ADAMTS17: variants seen among roughly 807,000 people sequenced by gnomAD.
ADAMTS17 encodes A disintegrin and metalloproteinase with thrombospondin motifs 17.
Under a neutral mutation model 141.5 loss-of-function variants are expected in ADAMTS17, and 113 were observed. The ratio of observed to expected loss-of-function variants is 0.80; its 90% confidence interval spans 0.69 to 0.93. ADAMTS17 has a LOEUF of 0.93. ADAMTS17 is among the 40% of genes least tolerant of loss of function. The pLI is 0.00. For missense variants in ADAMTS17, 1,659 were observed against 1,517.9 expected (o/e 1.09, Z -1.54); for synonymous variants, 768 against 630.6 (o/e 1.22, Z -3.27).
At chr15:100,245,575 T>C (rs1469541980) in intron 7 of ADAMTS17, among the ~76,000 whole-genome samples, 1 of 152,242 alleles carries the variant, frequency 6.6e-6, no homozygotes, top group African/African-American at 2.4e-5. Context: ...CTAATGTATT[T>C]CAGCCATTAT....
intron 6 of ADAMTS17, among the ~76,000 whole-genome samples, chr15:100,255,775 C>T (rs955355291): frequency 6.2e-4 from 94 of 152,292 alleles, no homozygotes; most frequent in African/African-American, 2.0e-3. Flanking sequence ...GAAGTGAAGC[C>T]GCAGGCCAAG....
rs373559365 is a variant in ADAMTS17, at chr15:100,285,622, T to C, written c.617-4221A>G. 1.1e-3 allele frequency among the ~76,000 whole-genome samples: 161 copies of C among 151,852 alleles called. 1 individual carries two copies. In the South Asian group the frequency reaches 0.021, roughly 19 times the overall value. On this transcript the variant is annotated intron_variant, in intron 3 of 21. Transcript: ENST00000268070. The stretch of plus-strand genomic sequence containing the variant: ...TTTCCAAGGAAGACCTGGGGAAGAG[T>C]TGAGTTGAATAGGCAAGGAGTAGCC...
At chr15:100,035,450 C>T (rs1480958) in intron 18 of ADAMTS17, among the ~76,000 whole-genome samples, 9,605 of 152,192 alleles carry the variant, frequency 0.063, 709 homozygotes, top group African/African-American at 0.18. Context: ...ACTTTGGTTA[C>T]GTTCTTATTT....
At chr15:100,191,554 C>G (rs1356325500) in intron 8 of ADAMTS17, among the ~76,000 whole-genome samples, 1 of 152,196 alleles carries the variant, frequency 6.6e-6, no homozygotes, top group Non-Finnish European at 1.5e-5. Context: ...GTCGTCGCCT[C>G]GCATGAGACT....
At chr15:100,060,972 G>A (rs774644582) in intron 15 of ADAMTS17, among the ~76,000 whole-genome samples, 4 of 152,160 alleles carry the variant, frequency 2.6e-5, no homozygotes, top group Non-Finnish European at 5.9e-5. Flanking sequence ...AGGCTTGCCC[G>A]AATCCATCAG....
intron 15 of ADAMTS17, 97 bp from the exon 16 acceptor site, chr15:100,054,151 G>A: frequency 1.4e-6 from 2 of 1,411,680 alleles, no homozygotes; most frequent in Admixed American, 3.4e-5. Context: ...GTGGGGCAGA[G>A]GTCTCCCTTC....
intron 20 of ADAMTS17, among the ~76,000 whole-genome samples, chr15:99,983,133 G>A (rs1596151070): frequency 6.6e-6 from 1 of 152,150 alleles, no homozygotes; most frequent in Non-Finnish European, 1.5e-5. Context: ...AGCGTTACTA[G>A]CTTCTTTAAT....
intron 3 of ADAMTS17, among the ~76,000 whole-genome samples, chr15:100,293,757 C>A (rs75452364): frequency 0.06 from 9,109 of 152,294 alleles, 342 homozygotes; most frequent in Non-Finnish European, 0.085. Context: ...AAACATTAAC[C>A]TTTGGACCTA....
chr15:100,092,971 T>TCAAATTACTAGGTTCAGATA (rs1567160865), intron 15 of ADAMTS17, among the ~76,000 whole-genome samples: 2 of 152,094 alleles, frequency 1.3e-5, no homozygotes, highest in African/African-American at 4.8e-5. Context: ...GAAAGCATCA[T>TCAAATTACTAGGTTCAGATA]ACTCAAATTA....
At position 99,973,830 on chromosome 15, in the gene ADAMTS17, A is replaced by AGG; in HGVS notation, c.*571_*572insCC. On this transcript the variant is annotated 3_prime_UTR_variant, in exon 22 of 22. Transcript: ENST00000268070. ...AGGCAACACCTAGGATTTAGAGACT[A>AGG]TGTTCTCAGAGACGGGCATGGAGGC... is the stretch of plus-strand genomic sequence containing the variant. The AGG allele has an allele frequency of 1.0e-5, 2 of 193,690 alleles. No homozygotes were observed. Among genetic ancestry groups the AGG allele is most frequent in the Non-Finnish European group, 2.1e-5 (2 of 93,356 alleles). The allele number at this position is 193,690 out of a possible 1,614,324, so 12.0% of individuals were successfully genotyped here. A position where few individuals can be genotyped will look rare whatever the true frequency, so the allele number is the denominator to read the frequency against.
intron 10 of ADAMTS17, among the ~76,000 whole-genome samples, 173 bp downstream of exon 10, chr15:100,152,439 T>G (rs2039213367): frequency 6.6e-6 from 1 of 152,218 alleles, no homozygotes; most frequent in African/African-American, 2.4e-5. Context: ...AGAGTGTGTT[T>G]ATGCATGTCT....
chr15:100,077,805 A>C (rs137893717), intron 15 of ADAMTS17, among the ~76,000 whole-genome samples: 20 of 152,324 alleles, frequency 1.3e-4, no homozygotes, highest in African/African-American at 4.8e-4. Flanking sequence ...TACAGATTGG[A>C]AAGAAGAAGT....
At chr15:100,101,830 C>G (rs2036120784) in intron 14 of ADAMTS17, among the ~76,000 whole-genome samples, 1 of 152,198 alleles carries the variant, frequency 6.6e-6, no homozygotes, top group African/African-American at 2.4e-5. Context: ...AGCTATCTTC[C>G]AACTACTGCC....
At chr15:99,995,572 T>A (rs1380710560) in intron 19 of ADAMTS17, among the ~76,000 whole-genome samples, 1 of 152,192 alleles carries the variant, frequency 6.6e-6, no homozygotes, top group Admixed American at 6.5e-5. Flanking sequence ...TCCTTCCTTC[T>A]GGATATTTGA....
intron 3 of ADAMTS17, among the ~76,000 whole-genome samples, chr15:100,314,713 C>A (rs2045507578): frequency 6.6e-6 from 1 of 152,178 alleles, no homozygotes; most frequent in Non-Finnish European, 1.5e-5. Flanking sequence ...AGAACATGGA[C>A]AGGCATCGTC....
chr15:100,100,600 C>G (rs930572947), intron 14 of ADAMTS17, among the ~76,000 whole-genome samples: 5 of 148,912 alleles, frequency 3.4e-5, no homozygotes, highest in Admixed American at 6.7e-5. Context: ...TGGGATGTAC[C>G]CAGTTAGTTG....
In ADAMTS17 at chr15:100,183,212, G is replaced by T. The variant is rs1485741295; in HGVS notation, c.1181+16106C>A. On this transcript the variant is annotated intron_variant, in intron 8 of 21. Coordinates refer to ENST00000268070, the MANE Select transcript of ADAMTS17 (RefSeq NM_139057.4). The stretch of plus-strand genomic sequence containing the variant: ...CTATGTTGACCAGGTTGGTCTGGAA[G>T]TCCTGACCTCAAGTAATCTGCCTGC... 3.3e-5 allele frequency among the ~76,000 whole-genome samples: 5 copies of T among 152,074 alleles called. No homozygotes were observed. The East Asian group carries it at 9.6e-4, about 29-fold the overall frequency.
At position 100,133,843 on chromosome 15, in the gene ADAMTS17, G is replaced by A. The variant is rs191298725; in HGVS notation, c.1474-528C>T. Among the ~76,000 whole-genome samples, 270 of 152,350 alleles carry A rather than the reference G, an allele frequency of 1.8e-3. 1 individual carries two copies. The highest frequency in any genetic ancestry group is 6.2e-3 in the African/African-American group (259 of 41,582). On this transcript the variant is annotated intron_variant, in intron 10 of 21. Coordinates refer to ENST00000268070, the MANE Select transcript of ADAMTS17 (RefSeq NM_139057.4). ...GACTGGTACCCCGACAGGGTTACAGGGGCAACCTTCTGTTCTCCCTGCGGT... is the reference window on the plus strand; with the variant it reads ...GACTGGTACCCCGACAGGGTTACAGAGGCAACCTTCTGTTCTCCCTGCGGT...
chr15:100,139,054 T>A (rs939853694), intron 10 of ADAMTS17, among the ~76,000 whole-genome samples: 4 of 152,178 alleles, frequency 2.6e-5, no homozygotes, highest in African/African-American at 9.7e-5. Flanking sequence ...ACTCTGCATT[T>A]GTCAAATTTC....
Sources: gnomAD v4.1 joint callset for allele counts (sites outside exome capture counted in the v4.1 genomes callset) on GRCh38, gnomAD v4.1.1 for gene constraint, MANE v1.5 for transcripts, NCBI Gene and HGNC (gene_info 2026-07-23, HGNC 2026-07-21) for gene names.